Variants in HS2ST1 observed in about 807,000 individuals in gnomAD.
HS2ST1 encodes the protein heparan sulfate 2-O-sulfotransferase 1, also known as 2-O-sulfotransferase.
Under a neutral mutation model 42.9 loss-of-function variants are expected in HS2ST1, and 18 were observed. The ratio of observed to expected loss-of-function variants is 0.42; its 90% CI spans 0.29 to 0.62. HS2ST1 has a LOEUF of 0.62. HS2ST1 is among the 20% of genes least tolerant of loss of function. The pLI, the probability that HS2ST1 is intolerant of heterozygous loss-of-function variation, is 0.21. For synonymous variants in HS2ST1, 146 were observed against 152.9 expected, an observed-to-expected ratio of 0.95 and a Z score of 0.33; for missense variants, 334 against 433.8, an observed-to-expected ratio of 0.77 and a Z score of 2.04.
chr1:86,992,462 G>A (rs1008544811), intron 1 of HS2ST1, among the ~76,000 whole-genome samples: 1 of 151,944 alleles, frequency 6.6e-6, no homozygotes, highest in Non-Finnish European at 1.5e-5. Context: ...CACCTCCCGG[G>A]TCCAAGAGAT....
intron 1 of HS2ST1, among the ~76,000 whole-genome samples, chr1:87,012,787 G>A (rs1051748492): frequency 1.3e-5 from 2 of 152,210 alleles, no homozygotes; most frequent in African/African-American, 4.8e-5. Context: ...TACAGTGGCA[G>A]TATAGGCATT....
chr1:87,017,468 A>G (rs891871332), intron 1 of HS2ST1, among the ~76,000 whole-genome samples: 2 of 152,072 alleles, frequency 1.3e-5, no homozygotes, highest in African/African-American at 4.8e-5. Flanking sequence ...TTTTCTTCAT[A>G]TTTATCATAT....
intron 1 of HS2ST1, among the ~76,000 whole-genome samples, chr1:86,965,019 A>G (rs1203653152): frequency 1.3e-5 from 2 of 152,246 alleles, no homozygotes; most frequent in Non-Finnish European, 2.9e-5. Flanking sequence ...TAATGTGTGT[A>G]AATGACTGAT....
At chr1:86,998,614 C>T (rs77749190) in intron 1 of HS2ST1, among the ~76,000 whole-genome samples, 1 of 152,088 alleles carries the variant, frequency 6.6e-6, no homozygotes. Flanking sequence ...GTTTCAAGAT[C>T]TTGAATTTTT....
intron 1 of HS2ST1, among the ~76,000 whole-genome samples, chr1:87,004,438 A>G (rs1649379156): frequency 6.6e-6 from 1 of 152,080 alleles, no homozygotes; most frequent in Non-Finnish European, 1.5e-5. Flanking sequence ...CTCAATCACT[A>G]TGTAGTTTGG....
At chr1:86,921,230 C>T (rs1438201416) in intron 1 of HS2ST1, among the ~76,000 whole-genome samples, 1 of 152,054 alleles carries the variant, frequency 6.6e-6, no homozygotes. Flanking sequence ...TCTGCCTCTT[C>T]ATCAGTTATG....
intron 1 of HS2ST1, among the ~76,000 whole-genome samples, chr1:87,030,089 C>G (rs954617361): frequency 4.6e-5 from 7 of 152,176 alleles, no homozygotes; most frequent in African/African-American, 1.4e-4. Flanking sequence ...GTAGGACTTG[C>G]TAAAAAAAAT....
intron 1 of HS2ST1, among the ~76,000 whole-genome samples, chr1:87,009,745 C>A (rs1369172227): frequency 6.6e-6 from 1 of 151,824 alleles, no homozygotes; most frequent in Non-Finnish European, 1.5e-5. Context: ...CTTAAAACTT[C>A]TGCTTGAGGC....
chr1:87,063,715 A>G (rs183606413), intron 1 of HS2ST1, among the ~76,000 whole-genome samples: 126 of 152,234 alleles, frequency 8.3e-4, no homozygotes, highest in Admixed American at 4.1e-3. Flanking sequence ...TGGTTCAAGC[A>G]TGTTCATAAT....
chr1:87,075,656 T>A (rs1481314597), intron 2 of HS2ST1, among the ~76,000 whole-genome samples: 2 of 152,136 alleles, frequency 1.3e-5, no homozygotes, highest in Non-Finnish European at 1.5e-5. Context: ...CACCTTCCAA[T>A]CTTAGTTCAG....
intron 1 of HS2ST1, among the ~76,000 whole-genome samples, chr1:87,020,720 G>A (rs915340585): frequency 8.5e-5 from 13 of 152,120 alleles, no homozygotes; most frequent in Admixed American, 2.6e-4. Context: ...TCTTCTCACT[G>A]TGTCTTCACA....
intron 3 of HS2ST1, among the ~76,000 whole-genome samples, chr1:87,086,756 C>T (rs1316926917): frequency 6.6e-6 from 1 of 151,964 alleles, no homozygotes; most frequent in Non-Finnish European, 1.5e-5. Flanking sequence ...TACATTTTTG[C>T]ATTCCTATCC....
intron 1 of HS2ST1, among the ~76,000 whole-genome samples, chr1:86,992,682 C>G (rs1203240239): frequency 3.3e-5 from 5 of 152,276 alleles, no homozygotes; most frequent in African/African-American, 1.2e-4. Context: ...TTCTTTTATG[C>G]ACCGTATAGG....
chr1:87,099,842 T>C (rs935194513), intron 5 of HS2ST1, among the ~76,000 whole-genome samples: 1 of 152,058 alleles, frequency 6.6e-6, no homozygotes, highest in African/African-American at 2.4e-5. Flanking sequence ...AAGGGAGAAA[T>C]TGGCCAAAAG....
rs1652318684 is a variant in HS2ST1 at position 87,106,088 on chromosome 1, T to A, written c.*1392T>A. On this transcript the variant is annotated 3_prime_UTR_variant, in exon 7 of 7. Coordinates refer to ENST00000370550, the MANE Select transcript of HS2ST1 (RefSeq NM_012262.4). ...GCACTTTGAAAATTGTAAAGCGCTATGTAAATGTAAGGTATTATAGAAACA... is the reference window on the plus strand; with the variant it reads ...GCACTTTGAAAATTGTAAAGCGCTAAGTAAATGTAAGGTATTATAGAAACA... 6.6e-6 allele frequency: 1 copy of A among 152,544 alleles called. No homozygotes were observed. Among genetic ancestry groups the A allele is most frequent in the Non-Finnish European group, 1.5e-5 (1 of 67,956 alleles). 9.4% of individuals were successfully genotyped at this position (152,544 alleles called of 1,614,324 possible).
chr1:87,078,148 T>C (rs1391811270), intron 2 of HS2ST1, among the ~76,000 whole-genome samples: 1 of 152,034 alleles, frequency 6.6e-6, no homozygotes, highest in Non-Finnish European at 1.5e-5. Flanking sequence ...AATTACAGAG[T>C]TGGAATTTGG....
At chr1:87,088,562 C>A (rs1570540296) in intron 3 of HS2ST1, among the ~76,000 whole-genome samples, 1 of 152,122 alleles carries the variant, frequency 6.6e-6, no homozygotes, top group East Asian at 1.9e-4. Flanking sequence ...GTCTTAACTT[C>A]TCTTGGATAA....
intron 5 of HS2ST1, 111 bp from the exon 6 acceptor site, chr1:87,103,321 T>G: frequency 1.0e-6 from 1 of 960,252 alleles, no homozygotes; most frequent in South Asian, 2.1e-5. Flanking sequence ...GCATTGAGGC[T>G]TTGGATATAC....
chr1:86,931,269 G>A (rs775681451), intron 1 of HS2ST1, among the ~76,000 whole-genome samples: 17 of 152,070 alleles, frequency 1.1e-4, no homozygotes, highest in Non-Finnish European at 2.4e-4. Context: ...GAGATACACA[G>A]ATGTGTTTGT....
Sources: gnomAD v4.1 joint callset for allele counts (sites outside exome capture counted in the v4.1 genomes callset) on GRCh38, gnomAD v4.1.1 for gene constraint, MANE v1.5 for transcripts, NCBI Gene and HGNC (gene_info 2026-07-23, HGNC 2026-07-21) for gene names.